The following PLXDC2 variants were observed in gnomAD, a reference collection of about 807,000 sequenced individuals.
The protein encoded by PLXDC2 is plexin domain containing 2.
Under a neutral mutation model 68.9 loss-of-function variants are expected in PLXDC2, and 40 were observed. The ratio of observed to expected loss-of-function variants is 0.58; its 90% confidence interval spans 0.45 to 0.76. The LOEUF (loss-of-function observed/expected upper bound fraction) is 0.76, where lower values mean the gene tolerates loss of function less well. PLXDC2 is among the 30% of genes least tolerant of loss of function. PLXDC2 has a pLI of 0.00. For synonymous variants in PLXDC2, 243 were observed against 234.2 expected, an observed-to-expected ratio of 1.04 and a Z score of -0.34; for missense variants, 644 against 661.9, an observed-to-expected ratio of 0.97 and a Z score of 0.30.
intron 1 of PLXDC2, among the ~76,000 whole-genome samples, chr10:19,821,355 T>A (rs1360992048): frequency 2.6e-5 from 4 of 152,198 alleles, no homozygotes; most frequent in African/African-American, 4.8e-5. Context: ...ATTTTCCAAT[T>A]TTTCCTGCAG....
intron 1 of PLXDC2, among the ~76,000 whole-genome samples, chr10:19,992,593 C>A (rs951790482): frequency 1.3e-5 from 2 of 152,114 alleles, no homozygotes; most frequent in Non-Finnish European, 2.9e-5. Flanking sequence ...TCTTGAATTT[C>A]ATTTTTCTTT....
intron 13 of PLXDC2, among the ~76,000 whole-genome samples, chr10:20,271,299 A>T (rs940014102): frequency 2.0e-5 from 3 of 152,200 alleles, no homozygotes; most frequent in Non-Finnish European, 4.4e-5. Context: ...AGTCATTGAT[A>T]ACCTTAGAGA....
At chr10:20,057,736 T>C (rs7083538) in intron 3 of PLXDC2, among the ~76,000 whole-genome samples, 41,305 of 151,942 alleles carry the variant, frequency 0.27, 7,324 homozygotes, top group African/African-American at 0.5. Context: ...AAGGTTCAAG[T>C]TTAATAACTG....
chr10:19,948,504 C>G (rs2131404418), intron 1 of PLXDC2, among the ~76,000 whole-genome samples: 1 of 151,782 alleles, frequency 6.6e-6, no homozygotes, highest in East Asian at 1.9e-4. Context: ...TTGCTAGTTC[C>G]ACATCTCTAT....
intron 4 of PLXDC2, among the ~76,000 whole-genome samples, chr10:20,074,822 T>C (rs1836410532): frequency 6.6e-6 from 1 of 151,864 alleles, no homozygotes; most frequent in Non-Finnish European, 1.5e-5. Context: ...GGTGTATCCA[T>C]TAACTTTCTG....
chr10:19,981,383 TAA>T (rs1834546652), intron 1 of PLXDC2, among the ~76,000 whole-genome samples: 1 of 152,230 alleles, frequency 6.6e-6, no homozygotes, highest in South Asian at 2.1e-4. Context: ...GAAGTGATAC[TAA>T]AGTCTTGATA....
In PLXDC2 at chr10:20,036,639, G is replaced by A. The variant is rs868434439; in HGVS notation, c.325-10230G>A. ...TCCATACCATAGTTGTTTACTTCCA[G>A]TGGATTGGAAAATCACAGTATCAAG... On this transcript the variant is annotated intron_variant, in intron 2 of 13. Coordinates refer to ENST00000377252, the MANE Select transcript of PLXDC2 (RefSeq NM_032812.9). 1.8e-4 allele frequency among the ~76,000 whole-genome samples: 27 copies of A among 152,114 alleles called. No individual in the cohort carries two copies. In the Middle Eastern group the frequency reaches 0.01, roughly 57 times the overall value.
At chr10:20,262,079 G>T (rs1835815012) in intron 13 of PLXDC2, among the ~76,000 whole-genome samples, 1 of 152,054 alleles carries the variant, frequency 6.6e-6, no homozygotes, top group African/African-American at 2.4e-5. Flanking sequence ...GAAACAACTT[G>T]ACCCACAGAG....
chr10:19,912,810 A>G (rs1024217436), intron 1 of PLXDC2, among the ~76,000 whole-genome samples: 1 of 152,174 alleles, frequency 6.6e-6, no homozygotes, highest in Non-Finnish European at 1.5e-5. Flanking sequence ...CTCTTTCTCT[A>G]GCTAGACAGT....
chr10:20,129,919 A>G (rs1412542344), intron 4 of PLXDC2, among the ~76,000 whole-genome samples: 1 of 152,058 alleles, frequency 6.6e-6, no homozygotes, highest in African/African-American at 2.4e-5. Context: ...GTAGCTTTGT[A>G]GTAGATTTTG....
chr10:19,873,785 T>C (rs967419884), intron 1 of PLXDC2, among the ~76,000 whole-genome samples: 4 of 152,246 alleles, frequency 2.6e-5, no homozygotes, highest in Admixed American at 2.0e-4. Context: ...CAAAGATCTA[T>C]TTCCACTGCA....
intron 1 of PLXDC2, among the ~76,000 whole-genome samples, chr10:19,825,043 A>C (rs1035453035): frequency 1.3e-5 from 2 of 152,002 alleles, no homozygotes; most frequent in Non-Finnish European, 2.9e-5. Flanking sequence ...TGGTACCTTT[A>C]CCTTACCCTT....
chr10:19,820,142 G>GT (rs1836436392), intron 1 of PLXDC2, among the ~76,000 whole-genome samples: 3 of 152,158 alleles, frequency 2.0e-5, no homozygotes, highest in African/African-American at 7.2e-5. Flanking sequence ...AATTTTTGTT[G>GT]TTGTTGTTCA....
At chr10:20,167,236 C>T (rs903873207) in intron 7 of PLXDC2, among the ~76,000 whole-genome samples, 5 of 152,156 alleles carry the variant, frequency 3.3e-5, no homozygotes, top group Admixed American at 6.6e-5. Context: ...TTAAAAGTCT[C>T]TCCCACATTT....
intron 9 of PLXDC2, among the ~76,000 whole-genome samples, chr10:20,193,259 A>G (rs976553410): frequency 2.6e-5 from 4 of 152,116 alleles, no homozygotes; most frequent in Non-Finnish European, 5.9e-5. Flanking sequence ...CTACTACAGT[A>G]CAAGTTTGCC....
chr10:19,980,702 C>T (rs564964282), intron 1 of PLXDC2, among the ~76,000 whole-genome samples: 2 of 152,262 alleles, frequency 1.3e-5, no homozygotes, highest in African/African-American at 4.8e-5. Context: ...AGAGAGAACA[C>T]GTGCGATCTG....
At chr10:19,905,488 G>C (rs1833142333) in intron 1 of PLXDC2, among the ~76,000 whole-genome samples, 1 of 152,172 alleles carries the variant, frequency 6.6e-6, no homozygotes, top group Non-Finnish European at 1.5e-5. Flanking sequence ...AGACCCAAAG[G>C]AGGCATTCTG....
intron 4 of PLXDC2, among the ~76,000 whole-genome samples, chr10:20,140,405 A>AATTATC (rs201306989): frequency 3.2e-4 from 4 of 12,534 alleles, no homozygotes; most frequent in South Asian, 1.7e-3. Flanking sequence ...TATATATAAA[A>AATTATC]TATCTATCTA....
chr10:19,942,899 T>C (rs1833841844), intron 1 of PLXDC2, among the ~76,000 whole-genome samples: 1 of 152,194 alleles, frequency 6.6e-6, no homozygotes, highest in African/African-American at 2.4e-5. Context: ...GAAATGTTCA[T>C]TTAAATATTT....
Sources: gnomAD v4.1 joint callset for allele counts (sites outside exome capture counted in the v4.1 genomes callset) on GRCh38, gnomAD v4.1.1 for gene constraint, MANE v1.5 for transcripts, NCBI Gene and HGNC (gene_info 2026-07-23, HGNC 2026-07-21) for gene names.